ADGRA3: variants seen among roughly 807,000 people sequenced by gnomAD.
The protein encoded by ADGRA3 is adhesion G protein-coupled receptor A3, also known as G-protein coupled receptor 125.
A neutral mutation model predicts 119.8 loss-of-function variants in ADGRA3; 56 were observed. That is an observed-to-expected ratio of 0.47 (90% CI 0.38 to 0.58). The LOEUF (loss-of-function observed/expected upper bound fraction) is 0.58. ADGRA3 is among the 20% of genes least tolerant of loss of function. ADGRA3 has a pLI of 0.00. For missense variants in ADGRA3, 1,516 were observed against 1,649.0 expected, an observed-to-expected ratio of 0.92 and a Z score of 1.40; for synonymous variants, 607 against 623.8, an observed-to-expected ratio of 0.97 and a Z score of 0.40.
intron 1 of ADGRA3, among the ~76,000 whole-genome samples, chr4:22,504,312 A>AAT (rs1164550596): frequency 6.6e-6 from 1 of 152,194 alleles, no homozygotes; most frequent in Non-Finnish European, 1.5e-5. Context: ...AGTCATCTGA[A>AAT]ATGATGAGGC....
Position 22,414,650 on chromosome 4 carries a change from C to T in ADGRA3, c.1810-836G>A, listed in dbSNP as rs776750249. 1.2e-5 allele frequency: 8 copies of T among 684,614 alleles called. 1 individual carries two copies. Among genetic ancestry groups the T allele is most frequent in the Non-Finnish European group, 1.6e-5 (6 of 379,596 alleles). 42.4% of individuals were successfully genotyped at this position (684,614 alleles called of 1,614,324 possible). A position where few individuals can be genotyped will look rare whatever the true frequency, so the allele number is the denominator to read the frequency against. On this transcript the variant is annotated intron_variant, in intron 12 of 18. Transcript: ENST00000334304. ...TCATGTTATTCCAGTTTAAATAACA[C>T]CTTGGTTTTGCAATGTTTAATACTA...
At chr4:22,438,072 AG>A (rs1716465615) in intron 8 of ADGRA3, among the ~76,000 whole-genome samples, 183 bp downstream of exon 8, 1 of 152,202 alleles carries the variant, frequency 6.6e-6, no homozygotes, top group South Asian at 2.1e-4. Context: ...TCTGAGATAA[AG>A]TTCAAGCACC....
intron 1 of ADGRA3, among the ~76,000 whole-genome samples, chr4:22,496,125 G>A (rs547702554): frequency 6.6e-6 from 1 of 152,166 alleles, no homozygotes; most frequent in Admixed American, 6.5e-5. Flanking sequence ...AGTGAAAAGC[G>A]GTACCTCAAA....
chr4:22,483,465 G>A (rs1718318126), intron 1 of ADGRA3, among the ~76,000 whole-genome samples: 1 of 152,162 alleles, frequency 6.6e-6, no homozygotes, highest in Non-Finnish European at 1.5e-5. Flanking sequence ...TCCTGCTTAA[G>A]TCTTATGGGA....
At chr4:22,498,879 G>A (rs916816982) in intron 1 of ADGRA3, among the ~76,000 whole-genome samples, 2 of 151,344 alleles carry the variant, frequency 1.3e-5, no homozygotes, top group South Asian at 2.1e-4. Context: ...ACACCACTGC[G>A]CTCCAGCTTG....
intron 11 of ADGRA3, among the ~76,000 whole-genome samples, chr4:22,421,955 A>G (rs964719435): frequency 4.6e-5 from 7 of 151,528 alleles, no homozygotes; most frequent in Non-Finnish European, 1.0e-4. Context: ...GGTCAGAAAA[A>G]TCATCTGAAA....
chr4:22,491,081 G>GA (rs1219725368), intron 1 of ADGRA3, among the ~76,000 whole-genome samples: 2 of 152,142 alleles, frequency 1.3e-5, no homozygotes, highest in African/African-American at 2.4e-5. Context: ...AAACATCCAG[G>GA]AAAAAAACTG....
chr4:22,388,899 G>T lies in ADGRA3; in HGVS notation c.2772C>A (p.Ala924=). The change falls in exon 19 of 19, where the codon GCC becomes GCA. Residue 924 remains alanine (A), a synonymous_variant. Transcript: ENST00000334304. ...EPSLGAFYGP[A]SFITFVNCMY... Reference sequence around the variant, plus strand: ...TGCAGTTTACAAAAGTGATGAAGCTGGCTGGCCCATAGAAGGCTCCCAAGG... The same window carrying T: ...TGCAGTTTACAAAAGTGATGAAGCTTGCTGGCCCATAGAAGGCTCCCAAGG... 1 of 1,614,116 alleles carries T rather than the reference G, an allele frequency of 6.2e-7. No individual in the cohort carries two copies. Among genetic ancestry groups the T allele is most frequent in the Non-Finnish European group, 8.5e-7 (1 of 1,179,992 alleles).
At chr4:22,465,559 T>C (rs1379159236) in intron 2 of ADGRA3, among the ~76,000 whole-genome samples, 3 of 152,180 alleles carry the variant, frequency 2.0e-5, no homozygotes, top group Non-Finnish European at 4.4e-5. Context: ...CACCTCTAAC[T>C]CTGGGCTGTT....
intron 4 of ADGRA3, among the ~76,000 whole-genome samples, chr4:22,454,264 ATAACT>A (rs1315557705): frequency 1.3e-5 from 2 of 152,164 alleles, no homozygotes; most frequent in Non-Finnish European, 2.9e-5. Flanking sequence ...ACAAATATAG[ATAACT>A]TAAATTTTAA....
At chr4:22,429,739 A>G (rs1716084890) in intron 10 of ADGRA3, among the ~76,000 whole-genome samples, 1 of 152,186 alleles carries the variant, frequency 6.6e-6, no homozygotes, top group South Asian at 2.1e-4. Flanking sequence ...TAAAAACCTC[A>G]AGCTAAAAAT....
At chr4:22,475,728 GA>G (rs140746057) in intron 1 of ADGRA3, among the ~76,000 whole-genome samples, 1 of 146,578 alleles carries the variant, frequency 6.8e-6, no homozygotes, top group African/African-American at 2.5e-5. Context: ...CTCCGTCTCG[GA>G]AAAAAAAATA....
At chr4:22,411,972 A>G (rs1240040145) in intron 14 of ADGRA3, among the ~76,000 whole-genome samples, 1 of 152,128 alleles carries the variant, frequency 6.6e-6, no homozygotes, top group Non-Finnish European at 1.5e-5. Flanking sequence ...AAAAAAACAT[A>G]CAAGAGTCAA....
chr4:22,497,160 G>A (rs1209153693), intron 1 of ADGRA3, among the ~76,000 whole-genome samples: 1 of 152,182 alleles, frequency 6.6e-6, no homozygotes, highest in Admixed American at 6.5e-5. Flanking sequence ...GAACACTGGT[G>A]TCAAAGGATT....
intron 9 of ADGRA3, among the ~76,000 whole-genome samples, 185 bp downstream of exon 9, chr4:22,436,255 T>G (rs1445304590): frequency 6.6e-6 from 1 of 151,922 alleles, no homozygotes; most frequent in Non-Finnish European, 1.5e-5. Flanking sequence ...AAGGAAGGAT[T>G]CTATAGAGGG....
intron 10 of ADGRA3, among the ~76,000 whole-genome samples, chr4:22,433,563 C>T (rs1716269187): frequency 6.6e-6 from 1 of 152,106 alleles, no homozygotes. Flanking sequence ...CGCAGCCGAC[C>T]ACTCTTCCAC....
At chr4:22,400,495 C>T (rs1409677375) in intron 16 of ADGRA3, among the ~76,000 whole-genome samples, 1 of 152,050 alleles carries the variant, frequency 6.6e-6, no homozygotes, top group South Asian at 2.1e-4. Flanking sequence ...GTAGTCACAA[C>T]TCATAGAAGC....
chr4:22,426,147 AG>A (rs1577341034), intron 10 of ADGRA3, among the ~76,000 whole-genome samples: 2 of 152,250 alleles, frequency 1.3e-5, no homozygotes, highest in East Asian at 3.9e-4. Context: ...GATAGACTCT[AG>A]AGGTAGTAGA....
chr4:22,430,679 T>A (rs6831918), intron 10 of ADGRA3, among the ~76,000 whole-genome samples: 1 of 151,354 alleles, frequency 6.6e-6, no homozygotes, highest in Non-Finnish European at 1.5e-5. Context: ...TCCCATTTTC[T>A]GTGGAGAAAT....
Sources: gnomAD v4.1 joint callset for allele counts (sites outside exome capture counted in the v4.1 genomes callset) on GRCh38, gnomAD v4.1.1 for gene constraint, MANE v1.5 for transcripts, NCBI Gene and HGNC (gene_info 2026-07-23, HGNC 2026-07-21) for gene names.